The following CTSW variants were observed in gnomAD, a reference collection of about 807,000 sequenced individuals.
CTSW encodes lymphopain.
In CTSW, 42 loss-of-function variants were observed where a neutral mutation model predicts 43.8. The observed-to-expected ratio is 0.96, with a 90% CI of 0.75 to 1.24. The LOEUF (loss-of-function observed/expected upper bound fraction) is 1.24, where lower values mean the gene tolerates loss of function less well. CTSW is among the 50% of genes most tolerant of loss of function. The pLI, the probability that CTSW is intolerant of heterozygous loss-of-function variation, is 0.00. For synonymous variants in CTSW, 191 were observed against 184.8 expected (o/e 1.03, Z -0.27); for missense variants, 475 against 479.9 (o/e 0.99, Z 0.09).
chr11:65,883,586 G>A lies in CTSW; in HGVS notation c.1099G>A (p.Asp367Asn). 2 of 1,614,018 alleles carry A rather than the reference G, an allele frequency of 1.2e-6. No individual in the cohort carries two copies. Among genetic ancestry groups the A allele is most frequent in the Non-Finnish European group, 1.7e-6 (2 of 1,179,936 alleles). Residue 367 changes from aspartate to asparagine, a missense_variant, in exon 10 of 10, where the codon GAT (aspartate) becomes AAT (asparagine). Transcript: ENST00000307886. ...FPLTARVQKP[D>N]MKPRVSCPP ...GCTCACTGCCCGTGTGCAGAAACCG[G>A]ATATGAAGCCCCGAGTCTCCTGCCC... is the stretch of plus-strand genomic sequence containing the variant.
At chr11:65,882,940 GACAGACACCGGGGCAGAGGCAGAC>G in intron 7 of CTSW, 36 bp downstream of exon 7, 1 of 1,613,098 alleles carries the variant, frequency 6.2e-7, no homozygotes. Context: ...GGATGGCAGG[GACAGACACCGGGGCAGAGGCAGAC>G]ACGCTGGGCT....
At chr11:65,882,560 G>A (rs1860124183) in intron 5 of CTSW, 34 bp downstream of exon 5, 9 of 1,614,128 alleles carry the variant, frequency 5.6e-6, no homozygotes, top group Non-Finnish European at 7.6e-6. Flanking sequence ...TGTGACAGGG[G>A]AGGGAGGCCT....
At chr11:65,881,816 C>G (rs1306735061) in intron 3 of CTSW, among the ~76,000 whole-genome samples, 1 of 152,190 alleles carries the variant, frequency 6.6e-6, no homozygotes, top group Admixed American at 6.5e-5. Flanking sequence ...GGGTCTTGCT[C>G]TGTTGTCCAG....
Position 65,882,862 on chromosome 11 carries a change from G to A in CTSW, c.703G>A (p.Ala235Thr). Residue 235 changes from alanine to threonine, a missense_variant, in exon 7 of 10, where the codon GCC becomes ACC. By Grantham distance (58) the Ala-to-Thr change is moderately conservative. Transcript: ENST00000307886. ...CCACCCCAAGAAGTACCAGAAGGTG[G>A]CCTGGATCCAGGACTTCATCATGCT... ...RCHPKKYQKV[A>T]WIQDFIMLQN... The A allele has an allele frequency of 1.2e-6, 2 of 1,614,122 alleles. No homozygotes were observed. The highest frequency in any genetic ancestry group is 1.7e-6 in the Non-Finnish European group (2 of 1,180,026).
chr11:65,880,619 C>A (rs1860094617), intron 2 of CTSW: 1 of 256,988 alleles, frequency 3.9e-6, no homozygotes. Flanking sequence ...CGGAGCCCAG[C>A]CATCCCGCTT....
In CTSW at chr11:65,883,624, C is replaced by G. The variant is rs768289720; in HGVS notation, c.*6C>G. On this transcript the variant is annotated 3_prime_UTR_variant, in exon 10 of 10. Transcript: ENST00000307886. The stretch of plus-strand genomic sequence containing the variant: ...GAGTCTCCTGCCCTCCCTGAACCCA[C>G]CTGGCCCCCTCAGCTCTGTCCTGTT... 6.2e-7 allele frequency: 1 copy of G among 1,611,680 alleles called. No individual in the cohort carries two copies. The highest frequency in any genetic ancestry group is 8.5e-7 in the Non-Finnish European group (1 of 1,178,190).
In CTSW at chr11:65,883,728, A is replaced by G. The variant is rs1011774076; in HGVS notation, c.*110A>G. 6.0e-6 allele frequency: 6 copies of G among 1,000,550 alleles called. No homozygotes were observed. The African/African-American group carries it at 9.6e-5, about 16-fold the overall frequency. 62.0% of individuals were successfully genotyped at this position (1,000,550 alleles called of 1,614,324 possible). ...ATCTCAATACAGCCTGAATAAACCA[A>G]GACAAGACCTCTGGCTTGTGAGCAG... is the stretch of plus-strand genomic sequence containing the variant. On this transcript the variant is annotated 3_prime_UTR_variant, in exon 10 of 10. Transcript: ENST00000307886.
chr11:65,879,988 C>G, intron 1 of CTSW, 47 bp downstream of exon 1: 1 of 1,513,760 alleles, frequency 6.6e-7, no homozygotes, highest in Non-Finnish European at 9.1e-7. Flanking sequence ...CGCCTGGGGT[C>G]ACCCCTTCAG....
Position 65,881,323 on chromosome 11 carries a change from TGGGTGGAA to T in CTSW, c.173-78_173-71del, listed in dbSNP as rs1860102917. The T allele has an allele frequency of 4.6e-5, 39 of 840,678 alleles. 2 individuals are homozygous for T. The South Asian group carries it at 7.1e-4, about 15-fold the overall frequency. 52.1% of individuals were successfully genotyped at this position (840,678 alleles called of 1,614,324 possible). A position where few individuals can be genotyped will look rare whatever the true frequency, so the allele number is the denominator to read the frequency against. On this transcript the variant is annotated intron_variant, in intron 2 of 9. Coordinates refer to ENST00000307886, the MANE Select transcript of CTSW (RefSeq NM_001335.4). ...GAGCCAGTGCTCAACTGGGTGGGTG[TGGGTGGAA>T]GGGTGCCCAGCCAGCGGCTACTTCC...
Position 65,883,337 on chromosome 11 carries a change from A to C in CTSW, c.933A>C (p.Thr311=), listed in dbSNP as rs755059649. 1.7e-5 allele frequency: 28 copies of C among 1,613,986 alleles called. No homozygotes were observed. The highest frequency in any genetic ancestry group is 2.2e-5 in the Non-Finnish European group (26 of 1,180,014). The change falls in exon 9 of 10, where the codon ACA becomes ACC. Residue 311 remains threonine, a synonymous_variant. Transcript: ENST00000307886. ...VKSEEGIWAE[T]VSSQSQPQPP... The stretch of plus-strand genomic sequence containing the variant: ...CAGAGGAGGGGATATGGGCAGAGAC[A>C]GTCTCATCGCAGTCTCAGCCTCAGC...
chr11:65,882,600 T>G lies in CTSW; in HGVS notation c.539-9T>G. The G allele has an allele frequency of 6.2e-7, 1 of 1,614,202 alleles. No individual in the cohort carries two copies. Among genetic ancestry groups the G allele is most frequent in the Non-Finnish European group, 8.5e-7 (1 of 1,180,042 alleles). On this transcript the variant is annotated splice_polypyrimidine_tract_variant and intron_variant, in intron 5 of 9. Transcript: ENST00000307886. ...GCCTGGTCACCCACACTGTCCCTTCTTGCACCAGAACTGCTGGACTGTGGC... is the reference window on the plus strand; with the variant it reads ...GCCTGGTCACCCACACTGTCCCTTCGTGCACCAGAACTGCTGGACTGTGGC...
chr11:65,881,320 G>A (rs1233915662), intron 2 of CTSW, 87 bp from the exon 3 acceptor site: 2 of 798,426 alleles, frequency 2.5e-6, no homozygotes, highest in Admixed American at 2.7e-5. Flanking sequence ...AACTGGGTGG[G>A]TGTGGGTGGA....
chr11:65,881,774 T>C (rs1418113983), intron 3 of CTSW, among the ~76,000 whole-genome samples: 1 of 152,122 alleles, frequency 6.6e-6, no homozygotes, highest in African/African-American at 2.4e-5. Flanking sequence ...GCCCAGCCTC[T>C]CTAGGCTTGG....
In CTSW at chr11:65,879,938, C is replaced by G. The variant is rs1860085001; in HGVS notation, c.84C>G (p.Ala28=). Residue 28 remains alanine (A), a synonymous_variant, in exon 1 of 10, where the codon GCC becomes GCG. Coordinates refer to ENST00000307886, the MANE Select transcript of CTSW (RefSeq NM_001335.4). ...LAQGIRGPLR[A]QDLGPQPLEL... ...AAGGCATCAGAGGCCCCCTTAGGGC[C>G]CAGGTAAGTGCTCCCAAACCCTTAC... 2.5e-6 allele frequency: 4 copies of G among 1,612,198 alleles called. No individual in the cohort carries two copies. Among genetic ancestry groups the G allele is most frequent in the South Asian group, 1.1e-5 (1 of 90,628 alleles).
chr11:65,882,440 A>G lies in CTSW; in HGVS notation c.452A>G (p.Asn151Ser). The G allele has an allele frequency of 1.2e-6, 2 of 1,614,158 alleles. No homozygotes were observed. Among genetic ancestry groups the G allele is most frequent in the Non-Finnish European group, 8.5e-7 (1 of 1,180,028 alleles). ...CCTCTCGCCCTCCAGAAAAACTGCAACTGCTGCTGGGCCATGGCAGCGGCA... is the reference window on the plus strand; with the variant it reads ...CCTCTCGCCCTCCAGAAAAACTGCAGCTGCTGCTGGGCCATGGCAGCGGCA... ...ISPIKDQKNC[N>S]CCWAMAAAGN... Residue 151 changes from asparagine (N) to serine (S), a missense_variant, in exon 5 of 10, where the codon AAC becomes AGC. Transcript: ENST00000307886.
chr11:65,882,198 G>C lies in CTSW; in HGVS notation c.310G>C (p.Gly104Arg). 6.2e-7 allele frequency: 1 copy of C among 1,614,180 alleles called. No homozygotes were observed. Among genetic ancestry groups the C allele is most frequent in the East Asian group, 2.2e-5 (1 of 44,876 alleles). ...AGAGGAGGAGTTTGGCCAGCTCTAT[G>C]GCTATCGGAGGGCAGCTGGAGGGGT... is the stretch of plus-strand genomic sequence containing the variant. ...LTEEEFGQLYGYRRAAGGVPS... is the reference protein window; with the variant it reads ...LTEEEFGQLYRYRRAAGGVPS... Residue 104 changes from glycine (G) to arginine (R), a missense_variant, in exon 4 of 10, where the codon GGC becomes CGC. By Grantham distance (125) the Gly-to-Arg change is moderately radical. Coordinates refer to ENST00000307886, the MANE Select transcript of CTSW (RefSeq NM_001335.4).
chr11:65,882,737 G>T, intron 6 of CTSW, 42 bp from the exon 7 acceptor site: 1 of 1,614,184 alleles, frequency 6.2e-7, no homozygotes, highest in Non-Finnish European at 8.5e-7. Context: ...GGGACAGGGT[G>T]GGCAGGAGCG....
Position 65,883,079 on chromosome 11 carries a change from G to C in CTSW, c.756G>C (p.Gln252His). 6.2e-7 allele frequency: 1 copy of C among 1,614,140 alleles called. No individual in the cohort carries two copies. Among genetic ancestry groups the C allele is most frequent in the East Asian group, 2.2e-5 (1 of 44,882 alleles). The stretch of plus-strand genomic sequence containing the variant: ...TGTTCCTGTCCCCAGGAATTGCGCA[G>C]TACCTGGCCACTTATGGCCCCATCA... ...MLQNNEHRIA[Q>H]YLATYGPITV... The change falls in exon 8 of 10, where the codon CAG (glutamine) becomes CAC (histidine). Residue 252 changes from glutamine (Q) to histidine (H), a missense_variant. Gln to His is a conservative substitution (Grantham distance 24). Transcript: ENST00000307886.
chr11:65,881,463 C>G lies in CTSW; in HGVS notation c.229C>G (p.Gln77Glu). 6.2e-7 allele frequency: 1 copy of G among 1,611,680 alleles called. No individual in the cohort carries two copies. Among genetic ancestry groups the G allele is most frequent in the Non-Finnish European group, 8.5e-7 (1 of 1,178,738 alleles). Residue 77 changes from glutamine (Q) to glutamate (E), a missense_variant, in exon 3 of 10, where the codon CAG becomes GAG. Transcript: ENST00000307886. Reference sequence around the variant, plus strand: ...CAACCTGGCCCAGGCTCAGAGGCTGCAGGAGGAGGACTTGGGCACAGCTGA... The same window carrying G: ...CAACCTGGCCCAGGCTCAGAGGCTGGAGGAGGAGGACTTGGGCACAGCTGA... The part of the protein sequence containing the change: ...AHNLAQAQRL[Q>E]EEDLGTAEFG...
Sources: gnomAD v4.1 joint callset for allele counts (sites outside exome capture counted in the v4.1 genomes callset) on GRCh38, gnomAD v4.1.1 for gene constraint, MANE v1.5 for transcripts, NCBI Gene and HGNC (gene_info 2026-07-23, HGNC 2026-07-21) for gene names.